KIAA0319L: variants seen among roughly 807,000 people sequenced by gnomAD.
KIAA0319L encodes the protein KIAA0319 like, also known as dyslexia-associated protein KIAA0319-like protein.
Under a neutral mutation model 120.1 loss-of-function variants are expected in KIAA0319L, and 55 were observed. The observed-to-expected ratio is 0.46, with a 90% CI of 0.37 to 0.57. KIAA0319L has a LOEUF of 0.57. Among genes scored for constraint, KIAA0319L ranks in the 20% least tolerant of loss-of-function variants. The pLI, the probability that KIAA0319L is intolerant of heterozygous loss-of-function variation, is 0.00. For synonymous variants in KIAA0319L, 398 were observed against 471.9 expected (o/e 0.84, Z 2.03); for missense variants, 1,049 against 1,255.3 (o/e 0.84, Z 2.48).
At position 35,476,357 on chromosome 1, in the gene KIAA0319L, A is replaced by C. The variant is rs150420790; in HGVS notation, c.914-1451T>G. ...CGATTATATAAATCTTATTTCTCTG[A>C]CAATAAATGTTCATTTGCTATGAGA... On this transcript the variant is annotated intron_variant, in intron 4 of 20. Transcript: ENST00000325722. Among the ~76,000 whole-genome samples, 42 of 152,336 alleles carry C rather than the reference A, an allele frequency of 2.8e-4. 2 individuals carry two copies. The East Asian group carries it at 8.1e-3, about 29-fold the overall frequency.
At chr1:35,454,241 G>GGCTCTAT in intron 11 of KIAA0319L, 121 bp downstream of exon 11, 1 of 950,402 alleles carries the variant, frequency 1.1e-6, no homozygotes, top group Non-Finnish European at 1.6e-6. Flanking sequence ...AGTCACCAGA[G>GGCTCTAT]GCTCTATGGA....
chr1:35,513,016 G>A (rs1645519917), intron 2 of KIAA0319L, among the ~76,000 whole-genome samples: 1 of 151,138 alleles, frequency 6.6e-6, no homozygotes, highest in African/African-American at 2.4e-5. Context: ...ATTTATGTAT[G>A]TGTTATCTAT....
At chr1:35,449,791 G>A (rs1641914587) in intron 15 of KIAA0319L, 76 bp downstream of exon 15, 25 of 1,523,300 alleles carry the variant, frequency 1.6e-5, no homozygotes, top group South Asian at 3.4e-5. Context: ...CATGCTCGGG[G>A]AAGGGGATCT....
In KIAA0319L at chr1:35,434,652, C is replaced by A; in HGVS notation, c.*242G>T. ...GGGAGGAGTTTGCAAAAAAAGGAGG[C>A]CCTGAGGTGAGGATATCTGGGGGCC... is the stretch of plus-strand genomic sequence containing the variant. On this transcript the variant is annotated 3_prime_UTR_variant, in exon 21 of 21. Transcript: ENST00000325722. 2 of 491,798 alleles carry A rather than the reference C, an allele frequency of 4.1e-6. No homozygotes were observed. Among genetic ancestry groups the A allele is most frequent in the East Asian group, 3.6e-5 (1 of 28,150 alleles). 30.5% of individuals were successfully genotyped at this position (491,798 alleles called of 1,614,324 possible).
chr1:35,492,243 C>T (rs551624645), intron 3 of KIAA0319L, among the ~76,000 whole-genome samples: 9 of 152,030 alleles, frequency 5.9e-5, no homozygotes, highest in South Asian at 2.1e-4. Flanking sequence ...AAGCTGGGCG[C>T]GGAGGCTCAC....
chr1:35,475,936 G>C (rs1643886476), intron 4 of KIAA0319L, among the ~76,000 whole-genome samples: 1 of 152,164 alleles, frequency 6.6e-6, no homozygotes. Context: ...CAGGGACTTT[G>C]CTAAAGTTAT....
Position 35,479,003 on chromosome 1 carries a change from G to A in KIAA0319L, c.876C>T (p.Pro292=), listed in dbSNP as rs1462163190. Residue 292 remains proline, a synonymous_variant, in exon 4 of 21, where the codon CCC becomes CCT. Transcript: ENST00000325722. ...CTGAGGTGCTCTGGAAAGAGGCCTG[G>A]GGGGTAGGGGTAGCATAACTGTAGG... The part of the protein sequence containing the change: ...APSYSYATPT[P]QASFQSTSAP... 3.7e-6 allele frequency: 6 copies of A among 1,614,094 alleles called. No homozygotes were observed. Among genetic ancestry groups the A allele is most frequent in the South Asian group, 1.1e-5 (1 of 91,088 alleles).
chr1:35,501,390 C>T (rs748165368), intron 3 of KIAA0319L, among the ~76,000 whole-genome samples: 6 of 152,182 alleles, frequency 3.9e-5, no homozygotes, highest in Non-Finnish European at 7.4e-5. Context: ...ATGTCCTCTG[C>T]AAACCATTAT....
intron 13 of KIAA0319L, among the ~76,000 whole-genome samples, chr1:35,451,033 T>TA (rs1642021654): frequency 6.6e-6 from 1 of 152,246 alleles, no homozygotes; most frequent in Non-Finnish European, 1.5e-5. Flanking sequence ...GTGCAGTATT[T>TA]ACTCAGCTTG....
chr1:35,470,581 C>T (rs1287980246), intron 6 of KIAA0319L, among the ~76,000 whole-genome samples: 1 of 151,686 alleles, frequency 6.6e-6, no homozygotes, highest in Non-Finnish European at 1.5e-5. Context: ...CACAAATAAC[C>T]TAGCTTATCC....
In KIAA0319L at chr1:35,470,888, T is replaced by C. The variant is rs902648447; in HGVS notation, c.1088A>G (p.His363Arg). 1 of 1,612,510 alleles carries C rather than the reference T, an allele frequency of 6.2e-7. No homozygotes were observed. The highest frequency in any genetic ancestry group is 8.5e-7 in the Non-Finnish European group (1 of 1,178,588). ...CTTCGATAGTTTGAGGATCTGGGAA[T>C]GTTTCCCTTCCATTTCTCCACTGTA... is the stretch of plus-strand genomic sequence containing the variant. ...RDYSGEMEGK[H>R]SQILKLSKLT... The change falls in exon 6 of 21, where the codon CAT becomes CGT. Residue 363 changes from histidine (H) to arginine (R), a missense_variant. Physicochemically the swap from His to Arg is conservative, Grantham distance 29 (BLOSUM62 0). Transcript: ENST00000325722.
chr1:35,471,052 T>G (rs1643593483), intron 5 of KIAA0319L, 92 bp from the exon 6 acceptor site: 1 of 798,710 alleles, frequency 1.3e-6, no homozygotes, highest in Admixed American at 1.8e-5. Context: ...TCTCTTCTGA[T>G]CTTGACAAGG....
chr1:35,490,634 T>C (rs1345228669), intron 3 of KIAA0319L, among the ~76,000 whole-genome samples: 1 of 152,208 alleles, frequency 6.6e-6, no homozygotes, highest in South Asian at 2.1e-4. Flanking sequence ...TAAGAAGTTA[T>C]AGGAAAGGTT....
At chr1:35,557,040 C>G (rs1648196874) in intron 1 of KIAA0319L, 167 bp downstream of exon 1, 2 of 153,188 alleles carry the variant, frequency 1.3e-5, no homozygotes, top group East Asian at 1.9e-4. Flanking sequence ...GGGACCCAAG[C>G]TGCGCACCTG....
intron 9 of KIAA0319L, among the ~76,000 whole-genome samples, chr1:35,458,805 A>T (rs1446196435): frequency 6.6e-6 from 1 of 152,242 alleles, no homozygotes; most frequent in Non-Finnish European, 1.5e-5. Flanking sequence ...GCCCAAGCTG[A>T]ATTCTGTAAA....
chr1:35,471,085 C>G, intron 5 of KIAA0319L, 125 bp from the exon 6 acceptor site: 1 of 673,910 alleles, frequency 1.5e-6, no homozygotes, highest in South Asian at 1.7e-5. Context: ...AGATTTCACC[C>G]CAAAGCCTGT....
intron 2 of KIAA0319L, among the ~76,000 whole-genome samples, chr1:35,518,308 A>T (rs1645765119): frequency 1.3e-5 from 2 of 152,236 alleles, no homozygotes; most frequent in African/African-American, 4.8e-5. Flanking sequence ...AAGACATGGA[A>T]TCAACCTAAA....
chr1:35,542,446 T>G (rs1481904284), intron 2 of KIAA0319L, among the ~76,000 whole-genome samples: 1 of 152,214 alleles, frequency 6.6e-6, no homozygotes, highest in African/African-American at 2.4e-5. Flanking sequence ...GACCAATTCT[T>G]ACAACCTCTC....
rs754231635 is a variant in KIAA0319L, at chr1:35,450,341, G to A, written c.2214+17C>T. 6.2e-7 allele frequency: 1 copy of A among 1,608,650 alleles called. No individual in the cohort carries two copies. The highest frequency in any genetic ancestry group is 8.5e-7 in the Non-Finnish European group (1 of 1,176,826). Reference sequence around the variant, plus strand: ...CTCCCCACTCCTGTGTAGCTCTCCAGCTCCTAGCACACTTACCCCTGCTGC... The same window carrying A: ...CTCCCCACTCCTGTGTAGCTCTCCAACTCCTAGCACACTTACCCCTGCTGC... On this transcript the variant is annotated intron_variant, in intron 14 of 20. Transcript: ENST00000325722.
Sources: allele counts gnomAD v4.1 joint callset (sites outside exome capture counted in the v4.1 genomes callset), GRCh38; gene constraint gnomAD v4.1.1; transcripts MANE v1.5; gene names NCBI Gene and HGNC (gene_info 2026-07-23, HGNC 2026-07-21).